Variants in IKZF1 observed in about 807,000 individuals in gnomAD.
IKZF1 encodes DNA-binding protein Ikaros.
In IKZF1, 10 loss-of-function variants were observed where a neutral mutation model predicts 51.7. The observed-to-expected ratio is 0.19, with a 90% CI of 0.12 to 0.33. The LOEUF is 0.33. Ranked by LOEUF, IKZF1 falls within the 10% of genes least tolerant of loss-of-function variation. The pLI is 1.00. For synonymous variants in IKZF1, 280 were observed against 282.3 expected, an observed-to-expected ratio of 0.99 and a Z score of 0.08; for missense variants, 484 against 707.5, an observed-to-expected ratio of 0.68 and a Z score of 3.58.
At chr7:50,339,282 GT>G in intron 3 of IKZF1, among the ~76,000 whole-genome samples, 1 of 151,080 alleles carries the variant, frequency 6.6e-6, no homozygotes, top group African/African-American at 2.4e-5. Context: ...CTGGGAAAGG[GT>G]GAATCTATTG....
intron 3 of IKZF1, among the ~76,000 whole-genome samples, chr7:50,357,775 G>A (rs1322760877): frequency 6.6e-6 from 1 of 152,188 alleles, no homozygotes. Context: ...GCGAAGACTT[G>A]GAGAAGTTAG....
intron 1 of IKZF1, among the ~76,000 whole-genome samples, chr7:50,306,974 A>G (rs972658279): frequency 6.6e-6 from 1 of 152,248 alleles, no homozygotes; most frequent in Non-Finnish European, 1.5e-5. Flanking sequence ...TTCCATGTGC[A>G]TATGCACATA....
At chr7:50,329,673 G>A (rs1010991809) in intron 3 of IKZF1, among the ~76,000 whole-genome samples, 5 of 152,152 alleles carry the variant, frequency 3.3e-5, no homozygotes, top group East Asian at 1.9e-4. Flanking sequence ...AGCGCCAAGG[G>A]TACTGTTCTT....
At chr7:50,383,060 A>G (rs1812313448) in intron 5 of IKZF1, among the ~76,000 whole-genome samples, 1 of 152,228 alleles carries the variant, frequency 6.6e-6, no homozygotes, top group Admixed American at 6.5e-5. Context: ...TGTACTGCTA[A>G]GACCCAAAAC....
Position 50,319,167 on chromosome 7 carries a change from C to A in IKZF1, c.40+66C>A, listed in dbSNP as rs543333473. 5.8e-6 allele frequency: 8 copies of A among 1,379,688 alleles called. No homozygotes were observed. The South Asian group carries it at 9.3e-5, about 16-fold the overall frequency. The allele number at this position is 1,379,688 out of a possible 1,614,324, so 85.5% of individuals were successfully genotyped here. ...AAAGCTTCCCTGGGGCCGGAAGTCA[C>A]AGTGCTTGGTATGCTCATGGGGGAG... On this transcript the variant is annotated intron_variant, in intron 2 of 7. Transcript: ENST00000331340.
chr7:50,365,970 T>C (rs1381263609), intron 3 of IKZF1, among the ~76,000 whole-genome samples: 11 of 152,192 alleles, frequency 7.2e-5, no homozygotes, highest in Admixed American at 7.2e-4. Flanking sequence ...ATCATGCCCT[T>C]TGCAGGAACA....
intron 3 of IKZF1, among the ~76,000 whole-genome samples, chr7:50,355,055 G>A (rs974663052): frequency 6.6e-6 from 1 of 152,084 alleles, no homozygotes; most frequent in Non-Finnish European, 1.5e-5. Context: ...GACAGGCCTG[G>A]GTCTTGGGGG....
chr7:50,311,882 T>C (rs1584381292), intron 1 of IKZF1, among the ~76,000 whole-genome samples: 1 of 152,056 alleles, frequency 6.6e-6, no homozygotes, highest in Admixed American at 6.5e-5. Flanking sequence ...TAAAAAAAAA[T>C]GAAGAAAAAA....
intron 4 of IKZF1, chr7:50,377,197 T>A (rs546285398): frequency 5.6e-6 from 1 of 179,028 alleles, no homozygotes; most frequent in Non-Finnish European, 1.2e-5. Context: ...TGAGAAACCA[T>A]GAGTAAAATG....
intron 3 of IKZF1, among the ~76,000 whole-genome samples, chr7:50,334,488 T>C (rs1394612485): frequency 6.6e-6 from 1 of 151,906 alleles, no homozygotes; most frequent in Non-Finnish European, 1.5e-5. Flanking sequence ...GTGTGTCATA[T>C]GTTTGTGTGT....
intron 7 of IKZF1, among the ~76,000 whole-genome samples, chr7:50,398,565 C>G (rs1331055049): frequency 6.6e-6 from 1 of 152,222 alleles, no homozygotes; most frequent in Non-Finnish European, 1.5e-5. Context: ...CCCTTGTCTT[C>G]GTGGATTTCT....
chr7:50,349,745 A>G (rs1480564561), intron 3 of IKZF1, among the ~76,000 whole-genome samples: 1 of 152,162 alleles, frequency 6.6e-6, no homozygotes, highest in Non-Finnish European at 1.5e-5. Context: ...AGCTGGAACC[A>G]TTTATTCTAT....
At chr7:50,352,832 T>C (rs562063572) in intron 3 of IKZF1, among the ~76,000 whole-genome samples, 3 of 152,372 alleles carry the variant, frequency 2.0e-5, no homozygotes, top group African/African-American at 7.2e-5. Context: ...TTATTTTACT[T>C]GGCCCTCAGC....
chr7:50,319,687 C>T (rs1792623938), intron 2 of IKZF1, among the ~76,000 whole-genome samples: 1 of 152,198 alleles, frequency 6.6e-6, no homozygotes, highest in Non-Finnish European at 1.5e-5. Flanking sequence ...GCACAGTTCC[C>T]CAGTGCATGG....
At chr7:50,349,509 A>T (rs1475309072) in intron 3 of IKZF1, among the ~76,000 whole-genome samples, 1 of 152,186 alleles carries the variant, frequency 6.6e-6, no homozygotes, top group Non-Finnish European at 1.5e-5. Flanking sequence ...TGGGAACAAA[A>T]CGTGGACCAA....
At chr7:50,314,318 G>C (rs1790942137) in intron 1 of IKZF1, among the ~76,000 whole-genome samples, 1 of 152,190 alleles carries the variant, frequency 6.6e-6, no homozygotes, top group African/African-American at 2.4e-5. Flanking sequence ...CGCCGTGTTA[G>C]CCAGGATGGT....
At chr7:50,326,851 C>T (rs1795153389) in intron 2 of IKZF1, among the ~76,000 whole-genome samples, 1 of 152,140 alleles carries the variant, frequency 6.6e-6, no homozygotes, top group African/African-American at 2.4e-5. Context: ...TCTTCTTTTC[C>T]CCACTAAGTT....
chr7:50,319,570 G>T (rs1792572226), intron 2 of IKZF1, among the ~76,000 whole-genome samples: 1 of 152,146 alleles, frequency 6.6e-6, no homozygotes, highest in African/African-American at 2.4e-5. Context: ...TCATCCAGGA[G>T]ACCCAGGAAG....
At chr7:50,368,408 T>A (rs1184295750) in intron 3 of IKZF1, 1 of 643,546 alleles carries the variant, frequency 1.6e-6, no homozygotes, top group Non-Finnish European at 2.8e-6. Context: ...TGGCCATATT[T>A]TCTGTCACCA....
Sources: gnomAD v4.1 joint callset for allele counts (sites outside exome capture counted in the v4.1 genomes callset) on GRCh38, gnomAD v4.1.1 for gene constraint, MANE v1.5 for transcripts, NCBI Gene and HGNC (gene_info 2026-07-23, HGNC 2026-07-21) for gene names.